The following MYCBP2 variants were observed in gnomAD, a reference collection of about 807,000 sequenced individuals.
The protein encoded by MYCBP2 is MYC binding protein 2.
A neutral mutation model predicts 525.3 loss-of-function variants in MYCBP2; 120 were observed. The observed-to-expected ratio is 0.23, with a 90% CI of 0.20 to 0.27. MYCBP2 has a LOEUF of 0.27. MYCBP2 is among the 10% of genes least tolerant of loss of function. The pLI is 1.00. For synonymous variants in MYCBP2, 1,894 were observed against 1,955.8 expected, an observed-to-expected ratio of 0.97 and a Z score of 0.83; for missense variants, 4,149 against 5,657.1, an observed-to-expected ratio of 0.73 and a Z score of 8.55.
rs572208244 is a variant in MYCBP2, at chr13:77,297,806, G to A, written c.303-1132C>T. ...TGAAATCAAAATAATCACAAAATCT[G>A]GTCAATTATATCTCATAAACAGTTA... On this transcript the variant is annotated intron_variant, in intron 1 of 82. Coordinates refer to ENST00000544440, the MANE Select transcript of MYCBP2 (RefSeq NM_015057.5). 3.4e-4 allele frequency among the ~76,000 whole-genome samples: 51 copies of A among 152,198 alleles called. No individual in the cohort carries two copies. In the South Asian group the frequency reaches 0.01, roughly 31 times the overall value.
intron 10 of MYCBP2, 139 bp downstream of exon 10, chr13:77,263,512 T>A: frequency 1.7e-6 from 1 of 603,168 alleles, no homozygotes; most frequent in Non-Finnish European, 2.7e-6. Context: ...AATTCAAAAT[T>A]ATCCTTTATA....
chr13:77,178,895 T>C (rs551186287), intron 34 of MYCBP2, among the ~76,000 whole-genome samples: 1 of 152,330 alleles, frequency 6.6e-6, no homozygotes, highest in East Asian at 1.9e-4. Context: ...TCCTGCATCC[T>C]GCAGAGTATA....
chr13:77,055,808 T>C (rs2037835468), intron 79 of MYCBP2, 41 bp from the exon 80 acceptor site: 2 of 1,457,358 alleles, frequency 1.4e-6, no homozygotes, highest in African/African-American at 1.4e-5. Flanking sequence ...AATCATTTAT[T>C]AACCAACTCA....
chr13:77,186,930 G>GCCTC (rs1338434450), intron 30 of MYCBP2, among the ~76,000 whole-genome samples: 3 of 149,110 alleles, frequency 2.0e-5, no homozygotes, highest in Non-Finnish European at 4.4e-5. Flanking sequence ...CACCCCCTCA[G>GCCTC]CCTCCCAAGC....
rs565992526 is a variant in MYCBP2, at chr13:77,282,951, A to G, written c.595-4040T>C. Among the ~76,000 whole-genome samples the G allele has an allele frequency of 5.9e-5, 9 of 152,226 alleles. No homozygotes were observed. In the South Asian group the frequency reaches 1.7e-3, roughly 28 times the overall value. On this transcript the variant is annotated intron_variant, in intron 3 of 82. Transcript: ENST00000544440. ...TGTCACTACCATAATTCCAACCCTC[A>G]TTAACACTCTCTAGACAACTGCAAT...
At chr13:77,145,231 A>G (rs1379121832) in intron 48 of MYCBP2, among the ~76,000 whole-genome samples, 1 of 152,186 alleles carries the variant, frequency 6.6e-6, no homozygotes, top group Non-Finnish European at 1.5e-5. Context: ...CACGTCCCCA[A>G]GTTCAATGGT....
chr13:77,312,384 A>G (rs532130465), intron 1 of MYCBP2, among the ~76,000 whole-genome samples: 2 of 152,244 alleles, frequency 1.3e-5, no homozygotes, highest in Admixed American at 6.5e-5. Flanking sequence ...AACAAAAACT[A>G]TAACATTGTT....
chr13:77,158,073 G>A lies in MYCBP2; in HGVS notation c.6634C>T (p.Leu2212=), dbSNP rs34982494. The A allele has an allele frequency of 0.033, 53,009 of 1,603,372 alleles. 1,023 individuals carry two copies. Among genetic ancestry groups the A allele is most frequent in the Non-Finnish European group, 0.039 (46,057 of 1,175,482 alleles). Residue 2212 remains leucine (L), a synonymous_variant, in exon 45 of 83, where the codon CTA becomes TTA. Transcript: ENST00000544440. The part of the protein sequence containing the change: ...KTHSGILGKG[L]ALSHSPTILE... Reference sequence around the variant, plus strand: ...ATAGTTGGTGAATGAGAAAGAGCTAGACCCTTTCCAAGAATTCCAGAATGG... The same window carrying A: ...ATAGTTGGTGAATGAGAAAGAGCTAAACCCTTTCCAAGAATTCCAGAATGG...
intron 65 of MYCBP2, chr13:77,080,974 T>C (rs889771699): frequency 4.0e-5 from 6 of 151,842 alleles, no homozygotes; most frequent in African/African-American, 1.2e-4. Context: ...ACACTATAGG[T>C]CAAAGATTAT....
At chr13:77,060,471 A>G (rs983550192) in intron 76 of MYCBP2, among the ~76,000 whole-genome samples, 4 of 152,226 alleles carry the variant, frequency 2.6e-5, no homozygotes, top group Admixed American at 2.6e-4. Context: ...TAACTCCAAC[A>G]CTGGAAGTTC....
intron 52 of MYCBP2, among the ~76,000 whole-genome samples, chr13:77,129,962 A>C (rs2052458049): frequency 1.3e-5 from 2 of 151,894 alleles, no homozygotes; most frequent in African/African-American, 4.8e-5. Context: ...AGGATCTCTA[A>C]GTTTAAGTCT....
At chr13:77,116,197 T>A (rs1302815429) in intron 55 of MYCBP2, among the ~76,000 whole-genome samples, 2 of 152,032 alleles carry the variant, frequency 1.3e-5, no homozygotes, top group African/African-American at 4.8e-5. Context: ...ACTATCAGTA[T>A]AAACAAAGTT....
chr13:77,194,099 A>G lies in MYCBP2; in HGVS notation c.3935+54T>C, dbSNP rs532078168. ...AAGTATGTTTATTCATTTATAATAA[A>G]TTTTTAATATTAAGTATGCAAGAGT... On this transcript the variant is annotated intron_variant, in intron 27 of 82. Transcript: ENST00000544440. The G allele has an allele frequency of 8.3e-4, 946 of 1,145,214 alleles. 21 individuals carry two copies. In the South Asian group the frequency reaches 0.014, roughly 17 times the overall value. The allele number at this position is 1,145,214 out of a possible 1,614,324, so 70.9% of individuals were successfully genotyped here. A position where few individuals can be genotyped will look rare whatever the true frequency, so the allele number is the denominator to read the frequency against.
rs748526632 is a variant in MYCBP2 at position 77,059,516 on chromosome 13, T to C, written c.13140+7A>G. 3 of 1,604,366 alleles carry C rather than the reference T, an allele frequency of 1.9e-6. No individual in the cohort carries two copies. The highest frequency in any genetic ancestry group is 2.6e-6 in the Non-Finnish European group (3 of 1,171,290). On this transcript the variant is annotated splice_region_variant and intron_variant, in intron 77 of 82. Coordinates refer to ENST00000544440, the MANE Select transcript of MYCBP2 (RefSeq NM_015057.5). ...CAATGGGATGGCCTGTGTCACTATA[T>C]ACTCACCTGGCAATCTGCATCAGAA...
Position 77,098,227 on chromosome 13 carries a change from A to G in MYCBP2, c.8927T>C (p.Leu2976Pro). 6.2e-7 allele frequency: 1 copy of G among 1,613,482 alleles called. No individual in the cohort carries two copies. The highest frequency in any genetic ancestry group is 8.5e-7 in the Non-Finnish European group (1 of 1,179,746). The change falls in exon 56 of 83, where the codon CTG (leucine) becomes CCG (proline). Residue 2976 changes from leucine (L) to proline (P), a missense_variant. By Grantham distance (98) the Leu-to-Pro change is moderately conservative (BLOSUM62 -3). Transcript: ENST00000544440. Reference sequence around the variant, plus strand: ...TGCTCTCATTTCCTGTTCATCTTTCAGTGGTGCTTTTCCAATGCTAAAATG... The same window carrying G: ...TGCTCTCATTTCCTGTTCATCTTTCGGTGGTGCTTTTCCAATGCTAAAATG... ...KVHFSIGKAP[L>P]KDEQEMRASP... is the part of the protein sequence containing the mutation.
intron 7 of MYCBP2, 63 bp from the exon 8 acceptor site, chr13:77,268,000 C>T: frequency 2.1e-6 from 2 of 954,006 alleles, no homozygotes; most frequent in Non-Finnish European, 3.4e-6. Context: ...AAACAGCAGC[C>T]ATACAGCTCC....
chr13:77,108,277 T>G (rs2048167711), intron 55 of MYCBP2, among the ~76,000 whole-genome samples: 1 of 152,192 alleles, frequency 6.6e-6, no homozygotes, highest in Admixed American at 6.5e-5. Context: ...ATTGAATATA[T>G]TCCAAATCTC....
chr13:77,226,561 C>T (rs1298152078), intron 18 of MYCBP2, among the ~76,000 whole-genome samples: 1 of 152,182 alleles, frequency 6.6e-6, no homozygotes, highest in Non-Finnish European at 1.5e-5. Flanking sequence ...CAACTCTAAA[C>T]AAGTGTGTAT....
chr13:77,058,922 T>G lies in MYCBP2; in HGVS notation c.13141-516A>C, dbSNP rs1594105543. Among the ~76,000 whole-genome samples, 1 of 151,936 alleles carries G rather than the reference T, an allele frequency of 6.6e-6. No homozygotes were observed. The highest frequency in any genetic ancestry group is 1.5e-5 in the Non-Finnish European group (1 of 67,986). On this transcript the variant is annotated intron_variant, in intron 77 of 82. Transcript: ENST00000544440. The surrounding 1 kb of genome is among the most constrained non-coding windows in gnomAD (Gnocchi z 4.1). ...ATCGCTTGAACCCGGGAGGCGGAGGTTGCAGTGAGCCGAGATCGTGCCACT... is the reference window on the plus strand; with the variant it reads ...ATCGCTTGAACCCGGGAGGCGGAGGGTGCAGTGAGCCGAGATCGTGCCACT...
Sources: gnomAD v4.1 joint callset for allele counts (sites outside exome capture counted in the v4.1 genomes callset) on GRCh38, gnomAD v4.1.1 for gene constraint, Gnocchi (gnomAD v3.1) non-coding constraint, MANE v1.5 for transcripts, NCBI Gene and HGNC (gene_info 2026-07-23, HGNC 2026-07-21) for gene names.